TMEFF2: variants seen among roughly 807,000 people sequenced by gnomAD.
TMEFF2 encodes the protein tomoregulin-2.
A neutral mutation model predicts 53.8 loss-of-function variants in TMEFF2; 28 were observed. The ratio of observed to expected loss-of-function variants is 0.52; its 90% CI spans 0.39 to 0.71. The LOEUF is 0.71. Ranked by LOEUF, TMEFF2 falls within the 30% of genes least tolerant of loss-of-function variation. TMEFF2 has a pLI of 0.00. For synonymous variants in TMEFF2, 162 were observed against 166.3 expected (o/e 0.97, Z 0.20); for missense variants, 353 against 455.2 (o/e 0.78, Z 2.04).
intron 4 of TMEFF2, among the ~76,000 whole-genome samples, chr2:192,084,156 G>A (rs1004367724): frequency 5.3e-5 from 8 of 152,070 alleles, no homozygotes; most frequent in East Asian, 1.9e-4. Flanking sequence ...CAGGTCCATC[G>A]GAACCCTAAA....
chr2:192,117,878 A>G (rs1044228995), intron 4 of TMEFF2, among the ~76,000 whole-genome samples: 1 of 151,816 alleles, frequency 6.6e-6, no homozygotes, highest in African/African-American at 2.4e-5. Flanking sequence ...TAAACCCCAG[A>G]AAATTCTATA....
chr2:192,192,964 G>A (rs1034208378), intron 1 of TMEFF2, among the ~76,000 whole-genome samples: 3 of 152,142 alleles, frequency 2.0e-5, no homozygotes, highest in African/African-American at 7.2e-5. Flanking sequence ...CCAAAAAAGA[G>A]AACAATCTAT....
chr2:192,024,726 C>T (rs1168506371), intron 5 of TMEFF2, among the ~76,000 whole-genome samples: 1 of 152,166 alleles, frequency 6.6e-6, no homozygotes, highest in Non-Finnish European at 1.5e-5. Context: ...AGTCTAGCCT[C>T]GGCTTTATTT....
At position 192,191,970 on chromosome 2, in the gene TMEFF2, A is replaced by G. The variant is rs375425821; in HGVS notation, c.192T>C (p.Asn64=). The change falls in exon 2 of 10, where the codon AAT becomes AAC. Residue 64 remains asparagine (N), a synonymous_variant. Coordinates refer to ENST00000272771, the MANE Select transcript of TMEFF2 (RefSeq NM_016192.4). ...WNCSGYDDRE[N]DLFLCDTNTC... ...TGTTGGTGTCACAGAGGAAGAGATCATTTTCTCTGTCATCATAACCTCAAA... is the reference window on the plus strand; with the variant it reads ...TGTTGGTGTCACAGAGGAAGAGATCGTTTTCTCTGTCATCATAACCTCAAA... 8.7e-6 allele frequency: 14 copies of G among 1,611,556 alleles called. No homozygotes were observed. Among genetic ancestry groups the G allele is most frequent in the Middle Eastern group, 1.6e-4 (1 of 6,068 alleles).
At chr2:192,012,530 T>C (rs1046714919) in intron 5 of TMEFF2, among the ~76,000 whole-genome samples, 4 of 152,134 alleles carry the variant, frequency 2.6e-5, no homozygotes, top group Non-Finnish European at 4.4e-5. Flanking sequence ...CATCCAAATG[T>C]TGTATTAGCT....
intron 4 of TMEFF2, among the ~76,000 whole-genome samples, chr2:192,144,426 T>C (rs1167579688): frequency 6.6e-6 from 1 of 152,080 alleles, no homozygotes; most frequent in Admixed American, 6.6e-5. Context: ...CCCATACCCA[T>C]CTCTAAGTAT....
intron 7 of TMEFF2, among the ~76,000 whole-genome samples, chr2:191,971,799 T>C (rs912978578): frequency 6.6e-6 from 1 of 152,046 alleles, no homozygotes; most frequent in African/African-American, 2.4e-5. Context: ...GAGAGTGAGA[T>C]AGGCAATAGA....
chr2:192,104,008 A>G lies in TMEFF2; in HGVS notation c.440-46233T>C, dbSNP rs1053700428. 5.3e-5 allele frequency among the ~76,000 whole-genome samples: 8 copies of G among 152,184 alleles called. No individual in the cohort carries two copies. The East Asian group carries it at 1.5e-3, about 29-fold the overall frequency. On this transcript the variant is annotated intron_variant, in intron 4 of 9. Transcript: ENST00000272771. ...GTTTTGAGAGGACTAACGCTTTCCA[A>G]CTTTCATTATGAAGGCACATTCTGA...
chr2:192,034,094 G>C (rs1247810664), intron 5 of TMEFF2, among the ~76,000 whole-genome samples: 3 of 147,320 alleles, frequency 2.0e-5, no homozygotes, highest in Non-Finnish European at 3.0e-5. Flanking sequence ...AGAATGGCGT[G>C]AACCCGGGAG....
chr2:192,127,445 C>G (rs1403125445), intron 4 of TMEFF2, among the ~76,000 whole-genome samples: 1 of 152,214 alleles, frequency 6.6e-6, no homozygotes, highest in African/African-American at 2.4e-5. Context: ...CTACTTCTCT[C>G]TTCTCTAAAT....
intron 7 of TMEFF2, among the ~76,000 whole-genome samples, chr2:191,959,441 C>T (rs1179958398): frequency 1.3e-5 from 2 of 152,178 alleles, no homozygotes; most frequent in African/African-American, 4.8e-5. Flanking sequence ...TTCTATAGTA[C>T]AGCTACTCAT....
chr2:192,042,628 T>G (rs1004867373), intron 5 of TMEFF2, among the ~76,000 whole-genome samples: 2 of 152,224 alleles, frequency 1.3e-5, no homozygotes, highest in Non-Finnish European at 2.9e-5. Context: ...CTGAATTTAT[T>G]GATATGAGCT....
At chr2:191,973,278 GATT>G (rs1692700965) in intron 7 of TMEFF2, among the ~76,000 whole-genome samples, 1 of 151,668 alleles carries the variant, frequency 6.6e-6, no homozygotes, top group Non-Finnish European at 1.5e-5. Context: ...CTTGCCAAAA[GATT>G]ATTAAATAAT....
intron 4 of TMEFF2, among the ~76,000 whole-genome samples, chr2:192,152,049 T>C (rs1312445523): frequency 1.3e-5 from 2 of 151,800 alleles, no homozygotes; most frequent in Non-Finnish European, 2.9e-5. Context: ...ACAGCAATTA[T>C]GAGGTGGTAA....
intron 1 of TMEFF2, among the ~76,000 whole-genome samples, chr2:192,192,921 TGA>T (rs1691499061): frequency 6.6e-6 from 1 of 152,222 alleles, no homozygotes; most frequent in Non-Finnish European, 1.5e-5. Context: ...AGAAACATGT[TGA>T]GTTTTATTAA....
intron 4 of TMEFF2, among the ~76,000 whole-genome samples, chr2:192,100,877 C>T (rs533099223): frequency 2.6e-3 from 393 of 152,170 alleles, no homozygotes; most frequent in South Asian, 6.0e-3. Context: ...AAATATGTTT[C>T]CTTATATGAG....
At chr2:192,119,059 T>C (rs1689483675) in intron 4 of TMEFF2, among the ~76,000 whole-genome samples, 1 of 152,200 alleles carries the variant, frequency 6.6e-6, no homozygotes, top group Non-Finnish European at 1.5e-5. Context: ...CTTTTGTTTC[T>C]AGAAGTCAGA....
chr2:192,098,989 T>C (rs1688975558), intron 4 of TMEFF2, among the ~76,000 whole-genome samples: 1 of 152,122 alleles, frequency 6.6e-6, no homozygotes, highest in Non-Finnish European at 1.5e-5. Context: ...TTTGAAACTC[T>C]CAACAATGCA....
Position 192,053,546 on chromosome 2 carries a change from A to G in TMEFF2, c.536+4133T>C, listed in dbSNP as rs377437754. Among the ~76,000 whole-genome samples the G allele has an allele frequency of 2.6e-5, 4 of 152,356 alleles. No individual in the cohort carries two copies. The East Asian group carries it at 7.7e-4, about 29-fold the overall frequency. ...CGTCAGCAGTTATTCACATCTTGTT[A>G]TTATTTCATAATGCAGGATTGAGGA... On this transcript the variant is annotated intron_variant, in intron 5 of 9. Coordinates refer to ENST00000272771, the MANE Select transcript of TMEFF2 (RefSeq NM_016192.4).
Sources: gnomAD v4.1 joint callset for allele counts (sites outside exome capture counted in the v4.1 genomes callset) on GRCh38, gnomAD v4.1.1 for gene constraint, MANE v1.5 for transcripts, NCBI Gene and HGNC (gene_info 2026-07-23, HGNC 2026-07-21) for gene names.